P4HA1: variants seen among roughly 807,000 people sequenced by gnomAD.
The protein encoded by P4HA1 is prolyl 4-hydroxylase subunit alpha-1.
Under a neutral mutation model 72.8 loss-of-function variants are expected in P4HA1, and 24 were observed. The ratio of observed to expected loss-of-function variants is 0.33; its 90% CI spans 0.24 to 0.46. The LOEUF is 0.46. Ranked by LOEUF, P4HA1 falls within the 20% of genes least tolerant of loss-of-function variation. The probability of loss-of-function intolerance (pLI) is 1.00; values close to 1 mark genes in which losing one functional copy is unlikely to be tolerated. For synonymous variants in P4HA1, 201 were observed against 218.8 expected (o/e 0.92, Z 0.72); for missense variants, 446 against 640.6 (o/e 0.70, Z 3.28).
At chr10:73,014,403 A>C in intron 11 of P4HA1, 114 bp from the exon 12 acceptor site, 2 of 765,086 alleles carry the variant, frequency 2.6e-6, no homozygotes, top group Non-Finnish European at 2.2e-6. Flanking sequence ...CAACAACCGC[A>C]AAAGTTTCCC....
intron 5 of P4HA1, among the ~76,000 whole-genome samples, chr10:73,057,622 A>T (rs1039185634): frequency 3.3e-5 from 5 of 152,236 alleles, no homozygotes; most frequent in African/African-American, 9.7e-5. Flanking sequence ...TGGTAGAAAA[A>T]TTTCCAAAAT....
chr10:73,085,345 A>G (rs1841904563), intron 1 of P4HA1, among the ~76,000 whole-genome samples: 1 of 152,160 alleles, frequency 6.6e-6, no homozygotes, highest in Admixed American at 6.5e-5. Context: ...CGATAGCATC[A>G]GGTTTAGTAT....
intron 1 of P4HA1, among the ~76,000 whole-genome samples, chr10:73,090,037 T>A (rs1438485824): frequency 6.6e-6 from 1 of 152,188 alleles, no homozygotes; most frequent in Non-Finnish European, 1.5e-5. Flanking sequence ...TTTTACCATG[T>A]TGCGCAGGCT....
At position 73,026,352 on chromosome 10, in the gene P4HA1, G is replaced by A. The variant is rs951312783; in HGVS notation, c.1248+3919C>T. Among the ~76,000 whole-genome samples, 109 of 152,222 alleles carry A rather than the reference G, an allele frequency of 7.2e-4. 1 individual carries two copies. The highest frequency in any genetic ancestry group is 3.4e-3 in the Middle Eastern group (1 of 294). On this transcript the variant is annotated intron_variant, in intron 10 of 14. Coordinates refer to ENST00000394890, the MANE Select transcript of P4HA1 (RefSeq NM_001017962.3). The stretch of plus-strand genomic sequence containing the variant: ...ACGAACCTGACAAAAACAAGAAATG[G>A]GGAAAGGATTCCCTATTTAATAAAC...
At chr10:73,075,765 G>C (rs1451147954) in intron 1 of P4HA1, among the ~76,000 whole-genome samples, 1 of 151,412 alleles carries the variant, frequency 6.6e-6, no homozygotes, top group African/African-American at 2.4e-5. Context: ...GTGTGTATGT[G>C]TGTATGTGTG....
intron 12 of P4HA1, among the ~76,000 whole-genome samples, chr10:73,011,866 AC>A (rs1325126589): frequency 3.3e-5 from 5 of 152,200 alleles, no homozygotes. Context: ...AGTATGAGAT[AC>A]AGTTTAAATC....
At chr10:73,034,178 C>A (rs777889135) in intron 9 of P4HA1, among the ~76,000 whole-genome samples, 20 of 152,124 alleles carry the variant, frequency 1.3e-4, no homozygotes, top group Non-Finnish European at 2.5e-4. Flanking sequence ...CACACCACTG[C>A]ACTCCAGCCT....
intron 9 of P4HA1, among the ~76,000 whole-genome samples, chr10:73,032,312 C>T (rs909300354): frequency 6.6e-6 from 1 of 152,204 alleles, no homozygotes; most frequent in African/African-American, 2.4e-5. Context: ...TGTAATCTAG[C>T]TTTAGTCACT....
intron 8 of P4HA1, 24 bp from the exon 9 acceptor site, chr10:73,045,075 G>GT (rs761564485): frequency 6.2e-7 from 1 of 1,601,576 alleles, no homozygotes; most frequent in Non-Finnish European, 8.5e-7. Flanking sequence ...CATCAAAATA[G>GT]TTGCATTACA....
intron 1 of P4HA1, among the ~76,000 whole-genome samples, chr10:73,095,538 AAAG>A (rs1408056619): frequency 1.3e-5 from 2 of 151,758 alleles, no homozygotes; most frequent in Admixed American, 6.6e-5. Flanking sequence ...AAAAAAAAAA[AAAG>A]AGTAAAAAAT....
At chr10:73,028,298 T>C (rs1840339739) in intron 10 of P4HA1, among the ~76,000 whole-genome samples, 1 of 142,476 alleles carries the variant, frequency 7.0e-6, no homozygotes, top group Non-Finnish European at 1.5e-5. Flanking sequence ...TCAAACCGTG[T>C]CACTGTAAAA....
chr10:73,036,005 G>A (rs1290583381), intron 9 of P4HA1, among the ~76,000 whole-genome samples: 1 of 151,886 alleles, frequency 6.6e-6, no homozygotes, highest in Admixed American at 6.6e-5. Context: ...CCTGACCAAC[G>A]TGGTGAAACC....
At chr10:73,049,010 C>G (rs1448086739) in intron 7 of P4HA1, among the ~76,000 whole-genome samples, 1 of 151,828 alleles carries the variant, frequency 6.6e-6, no homozygotes, top group Non-Finnish European at 1.5e-5. Context: ...GGCAGGCGCC[C>G]GTAGTCCCAG....
At chr10:73,054,398 C>G (rs181608573) in intron 5 of P4HA1, among the ~76,000 whole-genome samples, 1 of 152,156 alleles carries the variant, frequency 6.6e-6, no homozygotes, top group Non-Finnish European at 1.5e-5. Context: ...GCAACCATCA[C>G]CACAATCTAA....
chr10:73,019,287 C>T (rs2133043012), intron 10 of P4HA1, among the ~76,000 whole-genome samples: 1 of 152,200 alleles, frequency 6.6e-6, no homozygotes, highest in Non-Finnish European at 1.5e-5. Flanking sequence ...TCCCAAACAG[C>T]CCAACAGAAG....
chr10:73,008,213 G>T lies in P4HA1; in HGVS notation c.*9C>A, dbSNP rs753455667. ...GTACAACAATAGGAGAAAAAGGGAA[G>T]CCTGTTTGTCATTCCAATTCTGACA... is the stretch of plus-strand genomic sequence containing the variant. On this transcript the variant is annotated 3_prime_UTR_variant, in exon 15 of 15. Coordinates refer to ENST00000394890, the MANE Select transcript of P4HA1 (RefSeq NM_001017962.3). The T allele has an allele frequency of 1.3e-6, 2 of 1,576,534 alleles. No individual in the cohort carries two copies. The highest frequency in any genetic ancestry group is 1.1e-5 in the South Asian group (1 of 90,050).
Position 73,017,018 on chromosome 10 carries a change from G to T in P4HA1, c.1249-119C>A, listed in dbSNP as rs958194924. ...CATGGTCAGGTATTTACAGAGAAATGAAAAATATTTAAAATCAACAAGAGT... is the reference window on the plus strand; with the variant it reads ...CATGGTCAGGTATTTACAGAGAAATTAAAAATATTTAAAATCAACAAGAGT... On this transcript the variant is annotated intron_variant, in intron 10 of 14. Coordinates refer to ENST00000394890, the MANE Select transcript of P4HA1 (RefSeq NM_001017962.3). 1.4e-5 allele frequency: 9 copies of T among 645,580 alleles called. No individual in the cohort carries two copies. The South Asian group carries it at 1.5e-4, about 11-fold the overall frequency. The allele number at this position is 645,580 out of a possible 1,614,324, so 40.0% of individuals were successfully genotyped here. A position where few individuals can be genotyped will look rare whatever the true frequency, so the allele number is the denominator to read the frequency against.
At chr10:73,083,251 G>T (rs1841860748) in intron 1 of P4HA1, among the ~76,000 whole-genome samples, 1 of 152,166 alleles carries the variant, frequency 6.6e-6, no homozygotes, top group Non-Finnish European at 1.5e-5. Context: ...CTTAAAAGAA[G>T]AGTGAGCTAC....
rs1295582727 is a variant in P4HA1, at chr10:73,037,555, ATATATATATATATATATTTTT to A, written c.1149-7206_1149-7186del. ...TATATATATATATATATATATATAT[ATATATATATATATATATTTTT>A]TTTTTTTTTTTTTTACAAAGGCAAA... is the stretch of plus-strand genomic sequence containing the variant. On this transcript the variant is annotated intron_variant, in intron 9 of 14. Coordinates refer to ENST00000394890, the MANE Select transcript of P4HA1 (RefSeq NM_001017962.3). Among the ~76,000 whole-genome samples the A allele has an allele frequency of 2.7e-4, 9 of 32,794 alleles. 1 individual carries two copies. In the South Asian group the frequency reaches 8.9e-3, roughly 32 times the overall value. The allele number at this position is 32,794 out of a possible 152,430, so 21.5% of individuals were successfully genotyped here.
Sources: allele counts gnomAD v4.1 joint callset (sites outside exome capture counted in the v4.1 genomes callset), GRCh38; gene constraint gnomAD v4.1.1; transcripts MANE v1.5; gene names NCBI Gene and HGNC (gene_info 2026-07-23, HGNC 2026-07-21).